Variants in FUT8 observed in about 807,000 individuals in gnomAD.
FUT8 encodes the protein alpha-(1,6)-fucosyltransferase.
In FUT8, 29 loss-of-function variants were observed where a neutral mutation model predicts 71.3. That is an observed-to-expected ratio of 0.41 (90% CI 0.30 to 0.55). The LOEUF is 0.55. FUT8 is among the 20% of genes least tolerant of loss of function. The probability of loss-of-function intolerance (pLI) is 0.34; values close to 1 mark genes in which losing one functional copy is unlikely to be tolerated. For synonymous variants in FUT8, 254 were observed against 239.3 expected, an observed-to-expected ratio of 1.06 and a Z score of -0.57; for missense variants, 544 against 702.1, an observed-to-expected ratio of 0.77 and a Z score of 2.55.
At chr14:65,719,552 G>A (rs1325561982) in intron 7 of FUT8, among the ~76,000 whole-genome samples, 3 of 152,022 alleles carry the variant, frequency 2.0e-5, no homozygotes, top group Admixed American at 6.6e-5. Flanking sequence ...GGTATTTATC[G>A]TAGTCTTCAC....
At chr14:65,531,717 C>T (rs1883969184) in intron 2 of FUT8, among the ~76,000 whole-genome samples, 1 of 152,140 alleles carries the variant, frequency 6.6e-6, no homozygotes, top group South Asian at 2.1e-4. Flanking sequence ...TTTCATCACC[C>T]AGGTACTAAG....
At chr14:65,496,369 A>G (rs973376063) in intron 2 of FUT8, among the ~76,000 whole-genome samples, 18 of 152,290 alleles carry the variant, frequency 1.2e-4, no homozygotes, top group East Asian at 9.6e-4. Context: ...TTTTAGTCAT[A>G]TAGGAACATT....
rs1203076421 is a variant in FUT8 at position 65,467,226 on chromosome 14, A to C, written c.-228+11508A>C. On this transcript the variant is annotated intron_variant, in intron 2 of 10. Transcript: ENST00000673929. The surrounding 1 kb of genome is among the most constrained non-coding windows in gnomAD (Gnocchi z 4.1). ...CTTTATTTCTTCACTTTTGGAGGAT[A>C]CTTTTGCTGGGATTCTATAGGCATT... Among the ~76,000 whole-genome samples the C allele has an allele frequency of 6.6e-6, 1 of 152,050 alleles. No homozygotes were observed. The highest frequency in any genetic ancestry group is 1.5e-5 in the Non-Finnish European group (1 of 68,014).
intron 6 of FUT8, among the ~76,000 whole-genome samples, chr14:65,634,291 T>A (rs1293060673): frequency 1.1e-4 from 17 of 152,092 alleles, no homozygotes; most frequent in Admixed American, 1.0e-3. Flanking sequence ...CTGAAACATG[T>A]GCTGTGTCCA....
chr14:65,408,351 G>C (rs933172464), upstream of FUT8, among the ~76,000 whole-genome samples: 3 of 152,190 alleles, frequency 2.0e-5, no homozygotes, highest in Non-Finnish European at 4.4e-5. Flanking sequence ...ACTACAGACT[G>C]GTGGCTATAG....
intron 1 of FUT8, among the ~76,000 whole-genome samples, chr14:65,432,975 C>T (rs903812380): frequency 7.2e-5 from 11 of 151,984 alleles, no homozygotes; most frequent in Admixed American, 6.6e-4. Flanking sequence ...ACTGTGGACT[C>T]GCCCTGAATT....
intron 2 of FUT8, among the ~76,000 whole-genome samples, chr14:65,512,282 C>T (rs1177508380): frequency 6.6e-6 from 1 of 152,168 alleles, no homozygotes; most frequent in Non-Finnish European, 1.5e-5. Context: ...CGTGCCTCAG[C>T]CTCCCAGGTA....
intron 6 of FUT8, chr14:65,636,558 A>T (rs1023246370): frequency 6.6e-6 from 1 of 152,182 alleles, no homozygotes; most frequent in African/African-American, 2.4e-5. Flanking sequence ...ACTGTCATTC[A>T]GTTCAAAGAA....
In FUT8 at chr14:65,742,616, C is replaced by T. The variant is rs774274837; in HGVS notation, c.*206C>T. ...TAACAAGGGCTGCAATGCCCTCATA[C>T]CCATGCACAGTACAATAATGTACTC... On this transcript the variant is annotated 3_prime_UTR_variant, in exon 11 of 11. Transcript: ENST00000673929. The T allele has an allele frequency of 5.3e-6, 3 of 567,206 alleles. No homozygotes were observed. Among genetic ancestry groups the T allele is most frequent in the East Asian group, 2.9e-5 (1 of 34,692 alleles). 35.1% of individuals were successfully genotyped at this position (567,206 alleles called of 1,614,324 possible).
Position 65,627,600 on chromosome 14 carries a change from G to A in FUT8, c.483-1892G>A, listed in dbSNP as rs1312794626. On this transcript the variant is annotated intron_variant, in intron 5 of 10. Coordinates refer to ENST00000673929, the MANE Select transcript of FUT8 (RefSeq NM_001371533.1). The surrounding 1 kb of genome is among the most constrained non-coding windows in gnomAD (Gnocchi z 4.0). Reference sequence around the variant, plus strand: ...TGAGCAATGGCCTGCCAGCACTTGGGAGGGATCGCATATGCAGTGTGTTTA... The same window carrying A: ...TGAGCAATGGCCTGCCAGCACTTGGAAGGGATCGCATATGCAGTGTGTTTA... Among the ~76,000 whole-genome samples, 1 of 152,240 alleles carries A rather than the reference G, an allele frequency of 6.6e-6. No homozygotes were observed. The highest frequency in any genetic ancestry group is 1.5e-5 in the Non-Finnish European group (1 of 68,052).
chr14:65,691,539 G>A (rs1031263634), intron 7 of FUT8, among the ~76,000 whole-genome samples: 12 of 152,076 alleles, frequency 7.9e-5, no homozygotes, highest in Admixed American at 3.3e-4. Flanking sequence ...TTGATTTTTC[G>A]ATGATGAACT....
chr14:65,649,221 T>C (rs1891246681), intron 6 of FUT8, among the ~76,000 whole-genome samples: 2 of 152,224 alleles, frequency 1.3e-5, no homozygotes, highest in African/African-American at 2.4e-5. Context: ...CTAGTTAACA[T>C]TCTGCCAATA....
intron 6 of FUT8, among the ~76,000 whole-genome samples, chr14:65,633,617 C>T (rs1355189894): frequency 1.3e-5 from 2 of 151,310 alleles, no homozygotes; most frequent in South Asian, 2.1e-4. Flanking sequence ...ATGTGGGGAG[C>T]GCCTCTGCCC....
At chr14:65,721,701 G>A in intron 7 of FUT8, 74 bp from the exon 8 acceptor site, 2 of 1,453,490 alleles carry the variant, frequency 1.4e-6, no homozygotes, top group Non-Finnish European at 1.9e-6. Context: ...AAAGCACTCA[G>A]AATAAGTTCT....
chr14:65,704,968 T>A (rs896499916), intron 7 of FUT8, among the ~76,000 whole-genome samples: 22 of 152,354 alleles, frequency 1.4e-4, no homozygotes, highest in African/African-American at 5.3e-4. Flanking sequence ...TGTCTGTTGC[T>A]ATTAAAAGCA....
intron 6 of FUT8, among the ~76,000 whole-genome samples, chr14:65,664,804 C>T (rs1023459912): frequency 6.6e-6 from 1 of 152,064 alleles, no homozygotes; most frequent in Non-Finnish European, 1.5e-5. Flanking sequence ...TTGCCTCTTG[C>T]TATGTAGGAT....
At chr14:65,422,624 G>C (rs142257696) in intron 1 of FUT8, among the ~76,000 whole-genome samples, 2 of 151,170 alleles carry the variant, frequency 1.3e-5, no homozygotes, top group South Asian at 4.2e-4. Context: ...TCAGCCTCCC[G>C]AATAGCTGGG....
the FUT8 span, among the ~76,000 whole-genome samples, chr14:65,375,153 A>G: frequency 6.6e-6 from 1 of 152,162 alleles, no homozygotes; most frequent in African/African-American, 2.4e-5. Flanking sequence ...TAGTTCCTCA[A>G]TACACCCTTT....
chr14:65,404,581 TC>T, the FUT8 span, among the ~76,000 whole-genome samples: 1 of 152,042 alleles, frequency 6.6e-6, no homozygotes, highest in Non-Finnish European at 1.5e-5. Flanking sequence ...GTCAAGCAAT[TC>T]CCCTGCCTCA....
Sources: gnomAD v4.1 joint callset for allele counts (sites outside exome capture counted in the v4.1 genomes callset) on GRCh38, gnomAD v4.1.1 for gene constraint, Gnocchi (gnomAD v3.1) non-coding constraint, MANE v1.5 for transcripts, NCBI Gene and HGNC (gene_info 2026-07-23, HGNC 2026-07-21) for gene names.